The following CDC14B variants were observed in gnomAD, a reference collection of about 807,000 sequenced individuals.
CDC14B encodes the protein dual specificity protein phosphatase CDC14B.
CDC14B carries 22 observed loss-of-function variants against 64.2 expected under a neutral mutation model. The observed-to-expected ratio is 0.34, with a 90% confidence interval of 0.24 to 0.49. The LOEUF is 0.49. Among genes scored for constraint, CDC14B ranks in the 20% least tolerant of loss-of-function variants. The probability of loss-of-function intolerance (pLI) is 0.99; values close to 1 mark genes in which losing one functional copy is unlikely to be tolerated. For synonymous variants in CDC14B, 191 were observed against 215.8 expected, an observed-to-expected ratio of 0.89 and a Z score of 1.01; for missense variants, 498 against 629.9, an observed-to-expected ratio of 0.79 and a Z score of 2.24.
intron 1 of CDC14B, among the ~76,000 whole-genome samples, chr9:96,611,277 C>A (rs1012545876): frequency 1.3e-5 from 2 of 152,170 alleles, no homozygotes; most frequent in Non-Finnish European, 2.9e-5. Context: ...CACTAGAAAT[C>A]AAATGACTCA....
intron 1 of CDC14B, among the ~76,000 whole-genome samples, chr9:96,607,204 A>AATTAATT (rs1221410272): frequency 1.3e-5 from 2 of 151,948 alleles, no homozygotes; most frequent in Non-Finnish European, 2.9e-5. Flanking sequence ...TTCTATTAGC[A>AATTAATT]CTGTGGCAGG....
At chr9:96,531,923 T>C (rs968980764) in intron 9 of CDC14B, among the ~76,000 whole-genome samples, 1 of 152,136 alleles carries the variant, frequency 6.6e-6, no homozygotes, top group Non-Finnish European at 1.5e-5. Context: ...ACTCCCCCTT[T>C]AGAGTTTCTT....
chr9:96,512,983 C>A (rs1835127012), intron 12 of CDC14B, among the ~76,000 whole-genome samples: 1 of 152,154 alleles, frequency 6.6e-6, no homozygotes, highest in Non-Finnish European at 1.5e-5. Flanking sequence ...CTTAGGAAAT[C>A]TGAATCCTGA....
rs565732109 is a variant in CDC14B, at chr9:96,514,401, G to T, written c.1344-4612C>A. On this transcript the variant is annotated intron_variant, in intron 12 of 13. Coordinates refer to ENST00000375241, the MANE Select transcript of CDC14B (RefSeq NM_033331.4). ...GAAGTAAAGAAGAAAACACCCAAAA[G>T]GTTAATCTATCTCAGAAATACAGCA... The T allele has an allele frequency of 7.6e-4, 747 of 984,318 alleles. 1 individual carries two copies. The highest frequency in any genetic ancestry group is 1.4e-3 in the Admixed American group (23 of 16,260). 61.0% of individuals were successfully genotyped at this position (984,318 alleles called of 1,614,324 possible).
At chr9:96,544,609 C>T (rs1408887223) in intron 5 of CDC14B, among the ~76,000 whole-genome samples, 1 of 152,120 alleles carries the variant, frequency 6.6e-6, no homozygotes, top group East Asian at 1.9e-4. Flanking sequence ...ATCCTCCCAC[C>T]TCAGCCTCTG....
intron 1 of CDC14B, among the ~76,000 whole-genome samples, chr9:96,584,969 A>G (rs926799734): frequency 1.3e-5 from 2 of 152,172 alleles, no homozygotes; most frequent in Non-Finnish European, 2.9e-5. Flanking sequence ...ACTTACTTCA[A>G]TGAGTATTTT....
In CDC14B at chr9:96,565,418, T is replaced by C. The variant is rs1256518075; in HGVS notation, c.226A>G (p.Ile76Val). Residue 76 changes from isoleucine (I) to valine (V), a missense_variant, in exon 2 of 14, where the codon ATA becomes GTA. By Grantham distance (29) the Ile-to-Val change is conservative. Transcript: ENST00000375241. Reference sequence around the variant, plus strand: ...TTCTCATATTCAAGTTCATTATCTATGCTGAAATAATGTACATTTGATGCA... The same window carrying C: ...TTCTCATATTCAAGTTCATTATCTACGCTGAAATAATGTACATTTGATGCA... ...KSASNVHYFS[I>V]DNELEYENFY... is the part of the protein sequence containing the mutation. 4 of 1,605,096 alleles carry C rather than the reference T, an allele frequency of 2.5e-6. No homozygotes were observed. The highest frequency in any genetic ancestry group is 3.4e-6 in the Non-Finnish European group (4 of 1,172,058).
At chr9:96,551,111 C>CTTTGTTTTTTTTTTTTTTTTTTTT (rs1841747238) in intron 5 of CDC14B, among the ~76,000 whole-genome samples, 1 of 93,294 alleles carries the variant, frequency 1.1e-5, no homozygotes, top group African/African-American at 4.9e-5. Flanking sequence ...TTGGGGTTTG[C>CTTTGTTTTTTTTTTTTTTTTTTTT]TTTTTTTTTT....
rs202193145 is a variant in CDC14B at position 96,551,111 on chromosome 9, C to CTTTTTTTTTTTTTTTTTTTTTTT, written c.497+684_497+685insAAAAAAAAAAAAAAAAAAAAAAA. Among the ~76,000 whole-genome samples, 171 of 93,276 alleles carry CTTTTTTTTTTTTTTTTTTTTTTT rather than the reference C, an allele frequency of 1.8e-3. 25 individuals are homozygous for CTTTTTTTTTTTTTTTTTTTTTTT. Among genetic ancestry groups the CTTTTTTTTTTTTTTTTTTTTTTT allele is most frequent in the South Asian group, 6.8e-3 (12 of 1,760 alleles). 61.2% of individuals were successfully genotyped at this position (93,276 alleles called of 152,430 possible). On this transcript the variant is annotated intron_variant, in intron 5 of 13. Transcript: ENST00000375241. ...TACAAAGCCTAGGTTTTGGGGTTTG[C>CTTTTTTTTTTTTTTTTTTTTTTT]TTTTTTTTTTTTTTTTTTTGAGACA... is the stretch of plus-strand genomic sequence containing the variant.
intron 1 of CDC14B, among the ~76,000 whole-genome samples, chr9:96,617,671 G>A (rs558425582): frequency 5.3e-5 from 8 of 152,238 alleles, no homozygotes; most frequent in Admixed American, 1.3e-4. Context: ...CCTATTTCTA[G>A]AAGGCTTCAC....
chr9:96,507,921 G>C (rs1208374840), intron 13 of CDC14B, among the ~76,000 whole-genome samples: 1 of 152,020 alleles, frequency 6.6e-6, no homozygotes, highest in Middle Eastern at 3.2e-3. Context: ...TATAAATACA[G>C]ATGTATTGTA....
intron 12 of CDC14B, among the ~76,000 whole-genome samples, chr9:96,521,788 A>T (rs1305389910): frequency 6.6e-6 from 1 of 152,236 alleles, no homozygotes; most frequent in Non-Finnish European, 1.5e-5. Flanking sequence ...CCACAATGAA[A>T]AAGGAAGTAA....
At chr9:96,610,603 ATCTG>A (rs1278083613) in intron 1 of CDC14B, among the ~76,000 whole-genome samples, 3 of 151,968 alleles carry the variant, frequency 2.0e-5, no homozygotes, top group East Asian at 3.9e-4. Context: ...TAGGATATAA[ATCTG>A]TCTATTAGTC....
At chr9:96,572,482 T>A (rs982530273) in intron 1 of CDC14B, among the ~76,000 whole-genome samples, 2 of 152,176 alleles carry the variant, frequency 1.3e-5, no homozygotes, top group Non-Finnish European at 2.9e-5. Flanking sequence ...AGGTCTTTTG[T>A]GTTGATAATT....
chr9:96,572,417 T>C (rs1017891160), intron 1 of CDC14B, among the ~76,000 whole-genome samples: 1 of 152,140 alleles, frequency 6.6e-6, no homozygotes, highest in East Asian at 1.9e-4. Flanking sequence ...GGTGTCAGAA[T>C]TGAATAGGAG....
chr9:96,524,402 C>T (rs1041720034), intron 9 of CDC14B, among the ~76,000 whole-genome samples: 2 of 152,148 alleles, frequency 1.3e-5, no homozygotes, highest in East Asian at 1.9e-4. Context: ...TTTAGAAAAA[C>T]GGTACCACCA....
intron 13 of CDC14B, among the ~76,000 whole-genome samples, chr9:96,494,992 G>A (rs1327163257): frequency 9.2e-5 from 14 of 151,396 alleles, no homozygotes; most frequent in South Asian, 2.1e-4. Context: ...CTGCCACCAC[G>A]CCCGGCTAAT....
At position 96,525,949 on chromosome 9, in the gene CDC14B, CT is replaced by C. The variant is rs974551507; in HGVS notation, c.947-2225del. On this transcript the variant is annotated intron_variant, in intron 9 of 13. Coordinates refer to ENST00000375241, the MANE Select transcript of CDC14B (RefSeq NM_033331.4). ...TATAATGAACTGAATTGTGTCCCCC[CT>C]AACCCAAATCCATATATTGTTCTAA... Among the ~76,000 whole-genome samples the C allele has an allele frequency of 1.1e-4, 16 of 152,276 alleles. No homozygotes were observed. The East Asian group carries it at 1.3e-3, about 13-fold the overall frequency.
At position 96,515,663 on chromosome 9, in the gene CDC14B, A is replaced by AG; in HGVS notation, c.1344-5875dup. 6.3e-7 allele frequency: 1 copy of AG among 1,580,760 alleles called. No homozygotes were observed. The highest frequency in any genetic ancestry group is 8.6e-7 in the Non-Finnish European group (1 of 1,163,634). On this transcript the variant is annotated intron_variant, in intron 12 of 13. Transcript: ENST00000375241. This position sits in a 1 kb window ranked among gnomAD's most constrained non-coding sequence, Gnocchi z 4.3. ...GGGACACTTACAGCAGCTATCTGTCAGGGGGTCCTGATGGCTACTGTGTTC... is the reference window on the plus strand; with the variant it reads ...GGGACACTTACAGCAGCTATCTGTCAGGGGGGTCCTGATGGCTACTGTGTTC...
Sources: gnomAD v4.1 joint callset for allele counts (sites outside exome capture counted in the v4.1 genomes callset) on GRCh38, gnomAD v4.1.1 for gene constraint, Gnocchi (gnomAD v3.1) non-coding constraint, MANE v1.5 for transcripts, NCBI Gene and HGNC (gene_info 2026-07-23, HGNC 2026-07-21) for gene names.